Variants in ARHGAP32 observed in about 807,000 individuals in gnomAD.
ARHGAP32 encodes the protein rho GTPase-activating protein 32.
Under a neutral mutation model 186.5 loss-of-function variants are expected in ARHGAP32, and 51 were observed. The observed-to-expected ratio is 0.27, with a 90% CI of 0.22 to 0.35. ARHGAP32 has a LOEUF of 0.35. Ranked by LOEUF, ARHGAP32 falls within the 10% of genes least tolerant of loss-of-function variation. The pLI is 1.00. For missense variants in ARHGAP32, 2,186 were observed against 2,623.5 expected (o/e 0.83, Z 3.64); for synonymous variants, 950 against 964.3 (o/e 0.99, Z 0.27).
At chr11:129,017,432 A>C (rs1938403802) in intron 11 of ARHGAP32, among the ~76,000 whole-genome samples, 2 of 148,448 alleles carry the variant, frequency 1.3e-5, no homozygotes. Flanking sequence ...AGGTGACAAG[A>C]GCAAGACCCG....
intron 11 of ARHGAP32, among the ~76,000 whole-genome samples, chr11:129,002,649 G>A (rs1946393418): frequency 6.6e-6 from 1 of 152,016 alleles, no homozygotes; most frequent in Non-Finnish European, 1.5e-5. Context: ...TGGTAAAAGT[G>A]GGCATCCTTG....
At chr11:129,140,099 CA>C (rs1001190497) in intron 2 of ARHGAP32, among the ~76,000 whole-genome samples, 4 of 152,138 alleles carry the variant, frequency 2.6e-5, no homozygotes, top group African/African-American at 9.7e-5. Context: ...CAGCTGGTAG[CA>C]GAAGGGAAAG....
chr11:129,180,387 A>G (rs1015444584), intron 1 of ARHGAP32, among the ~76,000 whole-genome samples: 1 of 152,178 alleles, frequency 6.6e-6, no homozygotes, highest in African/African-American at 2.4e-5. Context: ...TGTGTGTGCT[A>G]GAAATAATCT....
intron 1 of ARHGAP32, among the ~76,000 whole-genome samples, chr11:129,247,628 C>A (rs530005536): frequency 4.3e-4 from 66 of 152,222 alleles, no homozygotes; most frequent in African/African-American, 1.5e-3. Context: ...TATGATACAG[C>A]AATTTTCCAT....
intron 11 of ARHGAP32, among the ~76,000 whole-genome samples, chr11:129,000,039 A>C (rs1946313586): frequency 1.3e-5 from 2 of 152,196 alleles, no homozygotes; most frequent in Non-Finnish European, 2.9e-5. Flanking sequence ...TAACTGAAAA[A>C]AGAAAACTCT....
chr11:129,129,291 T>C (rs1942750121), intron 2 of ARHGAP32, among the ~76,000 whole-genome samples: 3 of 133,030 alleles, frequency 2.3e-5, no homozygotes, highest in African/African-American at 8.5e-5. Flanking sequence ...GTCTGGGAAG[T>C]GAGGACCCCC....
chr11:129,213,661 C>T (rs1222495662), intron 1 of ARHGAP32, among the ~76,000 whole-genome samples: 3 of 152,064 alleles, frequency 2.0e-5, no homozygotes, highest in Admixed American at 1.3e-4. Flanking sequence ...AAAATGTCAG[C>T]TTCCCTTATC....
chr11:128,978,046 G>A (rs991237546), intron 19 of ARHGAP32, among the ~76,000 whole-genome samples: 4 of 151,792 alleles, frequency 2.6e-5, no homozygotes, highest in East Asian at 3.9e-4. Flanking sequence ...CTATGATTCT[G>A]CACTAAAATT....
At chr11:128,980,795 G>A in intron 17 of ARHGAP32, 47 bp from the exon 18 acceptor site, 1 of 1,390,014 alleles carries the variant, frequency 7.2e-7, no homozygotes, top group Non-Finnish European at 1.0e-6. Flanking sequence ...CTACGTGAGT[G>A]TATTCAATTT....
At chr11:129,209,618 A>G (rs1944555452) in intron 1 of ARHGAP32, among the ~76,000 whole-genome samples, 1 of 151,678 alleles carries the variant, frequency 6.6e-6, no homozygotes, top group African/African-American at 2.4e-5. Flanking sequence ...CAAAGCCATC[A>G]TTTTTCTCAA....
intron 21 of ARHGAP32, chr11:128,973,755 T>C: frequency 1.9e-6 from 1 of 519,802 alleles, no homozygotes; most frequent in East Asian, 3.1e-5. Context: ...ACTGTTATTA[T>C]GAACAGTTTT....
At chr11:128,981,204 A>G (rs1299004657) in intron 17 of ARHGAP32, among the ~76,000 whole-genome samples, 1 of 152,208 alleles carries the variant, frequency 6.6e-6, no homozygotes, top group Non-Finnish European at 1.5e-5. Flanking sequence ...TTAATGTGTC[A>G]TGAACTTAGA....
At chr11:129,040,357 A>G (rs1211637243) in intron 11 of ARHGAP32, among the ~76,000 whole-genome samples, 1 of 152,158 alleles carries the variant, frequency 6.6e-6, no homozygotes, top group African/African-American at 2.4e-5. Context: ...ATCATCAAAA[A>G]GTTTCAGATG....
Position 128,970,094 on chromosome 11 carries a change from T to C in ARHGAP32, c.5119A>G (p.Asn1707Asp). Residue 1707 changes from asparagine to aspartate, a missense_variant, in exon 23 of 23, where the codon AAT (asparagine) becomes GAT (aspartate). This residue lies in a region of ARHGAP32 where 1,502 missense variants were observed against 1,570.0 expected (regional missense o/e 0.96). Coordinates refer to ENST00000682385, the MANE Select transcript of ARHGAP32 (RefSeq NM_001378024.1). The surrounding 1 kb of genome is among the most constrained non-coding windows in gnomAD (Gnocchi z 5.8). ...AAGCTCTTTCCTTGCAGCCTAGGAT[T>C]GTAGAAAGCAAAGTCTCGATTGGGA... ...RLPNRDFAFY[N>D]PRLQGKSLYS... 6.2e-7 allele frequency: 1 copy of C among 1,614,168 alleles called. No homozygotes were observed. The highest frequency in any genetic ancestry group is 8.5e-7 in the Non-Finnish European group (1 of 1,180,026).
At chr11:129,213,817 G>A (rs2135595889) in intron 1 of ARHGAP32, among the ~76,000 whole-genome samples, 1 of 152,168 alleles carries the variant, frequency 6.6e-6, no homozygotes, top group Admixed American at 6.6e-5. Context: ...ATAATAAATT[G>A]AGGCATTAAA....
intron 9 of ARHGAP32, 138 bp downstream of exon 9, chr11:129,063,764 G>A (rs1169304229): frequency 2.0e-6 from 2 of 979,072 alleles, no homozygotes; most frequent in Admixed American, 5.6e-5. Flanking sequence ...AGATATTACA[G>A]GCTGAAATAT....
intron 11 of ARHGAP32, among the ~76,000 whole-genome samples, chr11:129,002,494 G>A (rs1329782087): frequency 6.6e-6 from 1 of 152,110 alleles, no homozygotes; most frequent in Non-Finnish European, 1.5e-5. Flanking sequence ...TTTTTTGGTG[G>A]AGTATTTAGG....
In ARHGAP32 at chr11:128,988,063, A is replaced by T; in HGVS notation, c.1258T>A (p.Tyr420Asn). 6.2e-7 allele frequency: 1 copy of T among 1,613,608 alleles called. No individual in the cohort carries two copies. Among genetic ancestry groups the T allele is most frequent in the Non-Finnish European group, 8.5e-7 (1 of 1,179,626 alleles). Residue 420 changes from tyrosine (Y) to asparagine (N), a missense_variant, in exon 13 of 23, where the codon TAT (tyrosine) becomes AAT (asparagine). Around this residue, in one of 5 missense-constraint regions of ARHGAP32, gnomAD observed 308 missense variants for 596.5 expected, o/e 0.52. Coordinates refer to ENST00000682385, the MANE Select transcript of ARHGAP32 (RefSeq NM_001378024.1). ...TTGGAGGCAACACCAGAAAGGCGATAGATTCCATCCACGATGCCATATCTC... is the reference window on the plus strand; with the variant it reads ...TTGGAGGCAACACCAGAAAGGCGATTGATTCCATCCACGATGCCATATCTC... Reference protein sequence around the residue: ...IERYGIVDGIYRLSGVASNIQ... With the variant: ...IERYGIVDGINRLSGVASNIQ...
intron 11 of ARHGAP32, among the ~76,000 whole-genome samples, chr11:129,034,917 T>C (rs554054227): frequency 6.0e-5 from 9 of 148,876 alleles, no homozygotes; most frequent in Admixed American, 1.3e-4. Context: ...GTAACTGATA[T>C]GTAAAGGAGA....
Sources: allele counts gnomAD v4.1 joint callset (sites outside exome capture counted in the v4.1 genomes callset), GRCh38; gene constraint gnomAD v4.1.1; regional missense constraint gnomAD v4.1.1; non-coding constraint Gnocchi (gnomAD v3.1); transcripts MANE v1.5; gene names NCBI Gene and HGNC (gene_info 2026-07-23, HGNC 2026-07-21).